Variants in CNTNAP2 observed in about 807,000 individuals in gnomAD.
The protein encoded by CNTNAP2 is contactin-associated protein-like 2.
CNTNAP2 carries 98 observed loss-of-function variants against 155.2 expected under a neutral mutation model. The observed-to-expected ratio is 0.63, with a 90% CI of 0.54 to 0.75. The LOEUF (loss-of-function observed/expected upper bound fraction) is 0.75, where lower values mean the gene tolerates loss of function less well. Among genes scored for constraint, CNTNAP2 ranks in the 30% least tolerant of loss-of-function variants. The pLI is 0.00. For missense variants in CNTNAP2, 1,727 were observed against 1,688.1 expected (o/e 1.02, Z -0.40); for synonymous variants, 651 against 631.2 (o/e 1.03, Z -0.47).
Position 147,262,785 on chromosome 7 carries a change from G to A in CNTNAP2, c.1349-37356G>A, listed in dbSNP as rs528494510. Among the ~76,000 whole-genome samples the A allele has an allele frequency of 8.7e-4, 132 of 152,078 alleles. 1 individual carries two copies. The highest frequency in any genetic ancestry group is 4.8e-3 in the Admixed American group (74 of 15,282). On this transcript the variant is annotated intron_variant, in intron 8 of 23. Coordinates refer to ENST00000361727, the MANE Select transcript of CNTNAP2 (RefSeq NM_014141.6). ...CGCGCCACTGCACTCCAGCCTGGGC[G>A]ACAGACAGAGCGAGACTCCGTCTCA...
intron 1 of CNTNAP2, among the ~76,000 whole-genome samples, chr7:146,642,190 G>T (rs1450120596): frequency 6.7e-6 from 1 of 149,044 alleles, no homozygotes; most frequent in Non-Finnish European, 1.5e-5. Context: ...TAAGTTTTAG[G>T]GTACATGTGC....
chr7:148,123,185 G>T (rs1046345316), intron 16 of CNTNAP2, among the ~76,000 whole-genome samples: 2 of 152,156 alleles, frequency 1.3e-5, no homozygotes, highest in Non-Finnish European at 1.5e-5. Context: ...TCACTTAGAG[G>T]ATCAGGAAAT....
At chr7:146,381,161 T>C (rs916045045) in intron 1 of CNTNAP2, among the ~76,000 whole-genome samples, 4 of 152,064 alleles carry the variant, frequency 2.6e-5, no homozygotes, top group Non-Finnish European at 4.4e-5. Context: ...CTTTGGCCCA[T>C]GAGATATCAG....
intron 13 of CNTNAP2, among the ~76,000 whole-genome samples, chr7:147,816,553 G>T (rs190376598): frequency 3.9e-4 from 59 of 152,154 alleles, no homozygotes; most frequent in African/African-American, 1.4e-3. Flanking sequence ...TAATGGAGAT[G>T]GTTAGCCTAC....
intron 22 of CNTNAP2, among the ~76,000 whole-genome samples, chr7:148,407,920 A>G (rs1040487097): frequency 6.6e-6 from 1 of 152,168 alleles, no homozygotes; most frequent in African/African-American, 2.4e-5. Flanking sequence ...GTATCTATCT[A>G]AAAAGTATAA....
intron 15 of CNTNAP2, among the ~76,000 whole-genome samples, chr7:148,089,276 T>C (rs1024560479): frequency 2.0e-5 from 3 of 152,012 alleles, no homozygotes; most frequent in African/African-American, 7.2e-5. Flanking sequence ...GCCATGTTTA[T>C]TCAACATAGT....
At chr7:147,565,799 C>G (rs548767608) in intron 12 of CNTNAP2, among the ~76,000 whole-genome samples, 1 of 152,018 alleles carries the variant, frequency 6.6e-6, no homozygotes, top group South Asian at 2.1e-4. Context: ...TACTTTTGAC[C>G]TAATTAAATG....
At chr7:148,330,828 GA>G (rs1797983454) in intron 21 of CNTNAP2, among the ~76,000 whole-genome samples, 1 of 150,522 alleles carries the variant, frequency 6.6e-6, no homozygotes. Context: ...TGGACAGATG[GA>G]ATGGACGGAT....
chr7:148,023,834 G>A (rs1446151633), intron 15 of CNTNAP2, among the ~76,000 whole-genome samples: 2 of 152,054 alleles, frequency 1.3e-5, no homozygotes, highest in African/African-American at 4.8e-5. Flanking sequence ...TTTTGAGTTG[G>A]AAAGTCCTGT....
chr7:147,503,395 A>C (rs1183922807), intron 11 of CNTNAP2, among the ~76,000 whole-genome samples: 1 of 152,140 alleles, frequency 6.6e-6, no homozygotes, highest in Non-Finnish European at 1.5e-5. Context: ...TTACATCTGC[A>C]AAGACTGTAT....
At chr7:147,302,718 A>G (rs1794966115) in intron 9 of CNTNAP2, among the ~76,000 whole-genome samples, 1 of 152,248 alleles carries the variant, frequency 6.6e-6, no homozygotes, top group East Asian at 1.9e-4. Context: ...ATTTGCACAC[A>G]TGCCTTTTAG....
chr7:146,899,498 GCA>G (rs1795949212), intron 3 of CNTNAP2, among the ~76,000 whole-genome samples: 1 of 143,142 alleles, frequency 7.0e-6, no homozygotes, highest in Non-Finnish European at 1.6e-5. Context: ...TTCCCTGCAT[GCA>G]TTGAACCTGT....
chr7:147,457,108 CAT>C (rs1338288757), intron 10 of CNTNAP2, among the ~76,000 whole-genome samples: 1 of 152,082 alleles, frequency 6.6e-6, no homozygotes, highest in Admixed American at 6.5e-5. Context: ...CCTTTGTTCT[CAT>C]ATGTCTATTC....
intron 5 of CNTNAP2, among the ~76,000 whole-genome samples, chr7:147,115,616 A>C (rs1387941259): frequency 6.6e-6 from 1 of 152,068 alleles, no homozygotes; most frequent in East Asian, 1.9e-4. Context: ...GCCTGCTATT[A>C]ATACTTGTGA....
At chr7:148,133,682 G>A (rs954082108) in intron 16 of CNTNAP2, 37 of 152,098 alleles carry the variant, frequency 2.4e-4, no homozygotes, top group African/African-American at 7.5e-4. Context: ...TCCTCCCTTT[G>A]GTAAGAGCTA....
At chr7:148,327,856 C>T (rs1221737296) in intron 21 of CNTNAP2, among the ~76,000 whole-genome samples, 4 of 152,232 alleles carry the variant, frequency 2.6e-5, no homozygotes, top group Middle Eastern at 6.8e-3. Flanking sequence ...ACCGCCCCCA[C>T]CCCTTTCTCA....
At position 146,485,148 on chromosome 7, in the gene CNTNAP2, T is replaced by C. The variant is rs190071103; in HGVS notation, c.98-289123T>C. Among the ~76,000 whole-genome samples, 471 of 145,334 alleles carry C rather than the reference T, an allele frequency of 3.2e-3. 2 individuals carry two copies. Among genetic ancestry groups the C allele is most frequent in the Non-Finnish European group, 5.7e-3 (382 of 67,610 alleles). On this transcript the variant is annotated intron_variant, in intron 1 of 23. Transcript: ENST00000361727. ...CAAAGATATGACAAAAATGGGAAAG[T>C]AACTGCTAATTGCTATTTTTTTTTT...
chr7:147,722,221 T>C (rs80120986), intron 13 of CNTNAP2, among the ~76,000 whole-genome samples: 13,452 of 152,182 alleles, frequency 0.088, 975 homozygotes, highest in African/African-American at 0.19. Context: ...TCTTCTAATT[T>C]TATTTGTCAG....
At chr7:146,950,526 T>A (rs1157054303) in intron 3 of CNTNAP2, among the ~76,000 whole-genome samples, 2 of 152,152 alleles carry the variant, frequency 1.3e-5, no homozygotes. Flanking sequence ...TTACCACTTA[T>A]GAGTGAGAAT....
Sources: gnomAD v4.1 joint callset for allele counts (sites outside exome capture counted in the v4.1 genomes callset) on GRCh38, gnomAD v4.1.1 for gene constraint, MANE v1.5 for transcripts, NCBI Gene and HGNC (gene_info 2026-07-23, HGNC 2026-07-21) for gene names.